MCC: variants seen among roughly 807,000 people sequenced by gnomAD.
The protein encoded by MCC is colorectal mutant cancer protein.
In MCC, 90 loss-of-function variants were observed where a neutral mutation model predicts 116.2. That is an observed-to-expected ratio of 0.77 (90% CI 0.65 to 0.92). MCC has a LOEUF of 0.92. Among genes scored for constraint, MCC ranks in the 40% least tolerant of loss-of-function variants. MCC has a pLI of 0.00. For missense variants in MCC, 1,516 were observed against 1,312.2 expected (o/e 1.16, Z -2.40); for synonymous variants, 578 against 510.5 (o/e 1.13, Z -1.78).
At chr5:113,037,289 T>C (rs1751388351) in intron 17 of MCC, among the ~76,000 whole-genome samples, 1 of 152,080 alleles carries the variant, frequency 6.6e-6, no homozygotes, top group Non-Finnish European at 1.5e-5. Flanking sequence ...TTTTCTACAG[T>C]TGGGTGGATG....
At chr5:113,215,517 T>C (rs918685225) in intron 3 of MCC, among the ~76,000 whole-genome samples, 1 of 152,138 alleles carries the variant, frequency 6.6e-6, no homozygotes, top group Non-Finnish European at 1.5e-5. Context: ...ATGAGGGCTT[T>C]TGCCCTCATG....
At chr5:113,315,853 G>A (rs866230021) in intron 3 of MCC, among the ~76,000 whole-genome samples, 1 of 152,028 alleles carries the variant, frequency 6.6e-6, no homozygotes, top group African/African-American at 2.4e-5. Context: ...GCTCCAGCCC[G>A]GGTGACAGAG....
intron 1 of MCC, among the ~76,000 whole-genome samples, chr5:113,398,308 C>T (rs34361144): frequency 0.092 from 14,016 of 152,080 alleles, 924 homozygotes; most frequent in Non-Finnish European, 0.12. Context: ...TGGAACTATT[C>T]GACCCAGCAA....
chr5:113,330,580 A>G (rs1009679639), intron 3 of MCC, among the ~76,000 whole-genome samples: 4 of 152,264 alleles, frequency 2.6e-5, no homozygotes, highest in African/African-American at 7.2e-5. Flanking sequence ...AATGATAGAC[A>G]TGGTGCTGCC....
chr5:113,347,173 C>T (rs1176656395), intron 2 of MCC, among the ~76,000 whole-genome samples: 1 of 152,082 alleles, frequency 6.6e-6, no homozygotes, highest in South Asian at 2.1e-4. Flanking sequence ...ATAGTAAGCA[C>T]ACAGGAAAAG....
chr5:113,165,755 C>A (rs921490450), intron 3 of MCC, among the ~76,000 whole-genome samples: 1 of 152,110 alleles, frequency 6.6e-6, no homozygotes, highest in African/African-American at 2.4e-5. Flanking sequence ...CCTGTAACCA[C>A]CCAAAAAATC....
intron 1 of MCC, chr5:113,433,381 C>A: frequency 2.0e-6 from 1 of 499,120 alleles, no homozygotes; most frequent in African/African-American, 2.0e-5. Flanking sequence ...AAATGGTGCC[C>A]AAGGTGGACA....
chr5:113,442,752 G>A (rs1211036187), intron 1 of MCC, among the ~76,000 whole-genome samples: 1 of 152,166 alleles, frequency 6.6e-6, no homozygotes, highest in East Asian at 1.9e-4. Flanking sequence ...TTATCAAATA[G>A]GGAATCCTTT....
chr5:113,343,678 A>T (rs994906047), intron 2 of MCC, among the ~76,000 whole-genome samples: 4 of 152,252 alleles, frequency 2.6e-5, no homozygotes, highest in African/African-American at 7.2e-5. Flanking sequence ...TGACATAGAT[A>T]GCATTTAATA....
intron 3 of MCC, among the ~76,000 whole-genome samples, chr5:113,288,258 C>T (rs766078302): frequency 6.6e-6 from 1 of 152,228 alleles, no homozygotes. Flanking sequence ...ATTTGGCCAA[C>T]TGTAGAAGGA....
chr5:113,068,062 G>T lies in MCC; in HGVS notation c.2029+18C>A. 1 of 1,602,302 alleles carries T rather than the reference G, an allele frequency of 6.2e-7. No homozygotes were observed. Among genetic ancestry groups the T allele is most frequent in the Non-Finnish European group, 8.6e-7 (1 of 1,169,242 alleles). ...GCAGGGAGACAAGAGGAGGAAGAGG[G>T]ACTCTGGAGACACTTACCAGGGGAG... is the stretch of plus-strand genomic sequence containing the variant. On this transcript the variant is annotated intron_variant, in intron 13 of 18. Transcript: ENST00000408903.
Position 113,027,385 on chromosome 5 carries a change from T to C in MCC, c.2977A>G (p.Thr993Ala). The C allele has an allele frequency of 6.2e-7, 1 of 1,614,180 alleles. No individual in the cohort carries two copies. Among genetic ancestry groups the C allele is most frequent in the Non-Finnish European group, 8.5e-7 (1 of 1,180,016 alleles). ...QMMAMVERHE[T>A]QVRMLKQRIA... is the part of the protein sequence containing the mutation. ...CTTTGCTTGAGCATCCTCACTTGGG[T>C]CTCATGTCTCTCCACCATGGCCATC... The change falls in exon 19 of 19, where the codon ACC becomes GCC. Residue 993 changes from threonine to alanine, a missense_variant. By Grantham distance (58) the Thr-to-Ala change is moderately conservative. Coordinates refer to ENST00000408903, the MANE Select transcript of MCC (RefSeq NM_001085377.2).
In MCC at chr5:113,045,375, C is replaced by T. The variant is rs1437824510; in HGVS notation, c.2656-1745G>A. On this transcript the variant is annotated intron_variant, in intron 16 of 18. Coordinates refer to ENST00000408903, the MANE Select transcript of MCC (RefSeq NM_001085377.2). ...GGTTCAAGACTCAAATGTGGCCCGCCAGCTGCTTTTTATGACCCACAGGAT... is the reference window on the plus strand; with the variant it reads ...GGTTCAAGACTCAAATGTGGCCCGCTAGCTGCTTTTTATGACCCACAGGAT... Among the ~76,000 whole-genome samples, 6 of 152,296 alleles carry T rather than the reference C, an allele frequency of 3.9e-5. No individual in the cohort carries two copies. In the South Asian group the frequency reaches 1.2e-3, roughly 32 times the overall value.
rs151183145 is a variant in MCC, at chr5:113,046,685, C to CA, written c.2655+2407dup. Reference sequence around the variant, plus strand: ...ACTGACTGCTAACAAACTCAAAAGGCAAAAAAAAAAAAAAAAAAAAAAAAA... The same window carrying CA: ...ACTGACTGCTAACAAACTCAAAAGGCAAAAAAAAAAAAAAAAAAAAAAAAAA... On this transcript the variant is annotated intron_variant, in intron 16 of 18. Coordinates refer to ENST00000408903, the MANE Select transcript of MCC (RefSeq NM_001085377.2). 5.3e-3 allele frequency among the ~76,000 whole-genome samples: 308 copies of CA among 58,376 alleles called. 7 individuals carry two copies. The highest frequency in any genetic ancestry group is 7.8e-3 in the Non-Finnish European group (249 of 32,074). The allele number at this position is 58,376 out of a possible 152,430, so 38.3% of individuals were successfully genotyped here. A position where few individuals can be genotyped will look rare whatever the true frequency, so the allele number is the denominator to read the frequency against.
chr5:113,277,887 C>T (rs1009461226), intron 3 of MCC, among the ~76,000 whole-genome samples: 5 of 152,166 alleles, frequency 3.3e-5, no homozygotes, highest in African/African-American at 9.7e-5. Flanking sequence ...GTCTCTGAGC[C>T]TTATTATCCA....
At chr5:113,124,611 A>T (rs2150271954) in intron 5 of MCC, among the ~76,000 whole-genome samples, 1 of 152,338 alleles carries the variant, frequency 6.6e-6, no homozygotes, top group East Asian at 1.9e-4. Context: ...AATTACTTCT[A>T]GAGATTACTA....
chr5:113,292,265 G>A (rs1766526609), intron 3 of MCC, among the ~76,000 whole-genome samples: 1 of 151,972 alleles, frequency 6.6e-6, no homozygotes. Context: ...TAAAAAATTA[G>A]TGCAGAAAGT....
chr5:113,235,839 C>A (rs1163168658), intron 3 of MCC, among the ~76,000 whole-genome samples: 1 of 152,226 alleles, frequency 6.6e-6, no homozygotes, highest in African/African-American at 2.4e-5. Flanking sequence ...CCCAGTTCTG[C>A]AGCTTCAACT....
At chr5:113,184,884 A>C (rs1336230276) in intron 3 of MCC, among the ~76,000 whole-genome samples, 2 of 152,340 alleles carry the variant, frequency 1.3e-5, no homozygotes, top group African/African-American at 4.8e-5. Flanking sequence ...CTTTGTATAA[A>C]GTACTCATGA....
Sources: gnomAD v4.1 joint callset for allele counts (sites outside exome capture counted in the v4.1 genomes callset) on GRCh38, gnomAD v4.1.1 for gene constraint, MANE v1.5 for transcripts, NCBI Gene and HGNC (gene_info 2026-07-23, HGNC 2026-07-21) for gene names.